The following NKAIN4 variants were observed in gnomAD, a reference collection of about 807,000 sequenced individuals.
NKAIN4 encodes sodium/potassium transporting ATPase interacting 4.
In NKAIN4, 28 loss-of-function variants were observed where a neutral mutation model predicts 28.8. The observed-to-expected ratio is 0.97, with a 90% CI of 0.72 to 1.33. The LOEUF is 1.33. Among genes scored for constraint, NKAIN4 ranks in the 40% most tolerant of loss-of-function variants. The pLI is 0.00. For synonymous variants in NKAIN4, 122 were observed against 115.6 expected, an observed-to-expected ratio of 1.06 and a Z score of -0.36; for missense variants, 289 against 277.2, an observed-to-expected ratio of 1.04 and a Z score of -0.30.
chr20:63,249,949 G>A lies in NKAIN4; in HGVS notation c.178C>T (p.Arg60Cys), dbSNP rs577285022. The A allele has an allele frequency of 8.8e-5, 142 of 1,613,302 alleles. No individual in the cohort carries two copies. The highest frequency in any genetic ancestry group is 1.1e-4 in the Non-Finnish European group (135 of 1,179,834). Reference sequence around the variant, plus strand: ...CCAGGACTCACCACCATGACATAGCGCAGCCGGTACTGGATGGTGCCGAAG... The same window carrying A: ...CCAGGACTCACCACCATGACATAGCACAGCCGGTACTGGATGGTGCCGAAG... ...GLFGTIQYRL[R>C]YVMVYTLWAA... is the part of the protein sequence containing the mutation. Residue 60 changes from arginine (R) to cysteine (C), a missense_variant, in exon 2 of 7, where the codon CGC becomes TGC. Transcript: ENST00000370316.
chr20:63,249,131 C>T (rs1341565443), intron 2 of NKAIN4: 4 of 528,060 alleles, frequency 7.6e-6, no homozygotes, highest in Non-Finnish European at 1.4e-5. Flanking sequence ...GGACAGCCAG[C>T]TCAAGGGAGC....
intron 3 of NKAIN4, 50 bp from the exon 4 acceptor site, chr20:63,247,825 G>T: frequency 7.1e-7 from 1 of 1,415,508 alleles, no homozygotes; most frequent in Non-Finnish European, 9.2e-7. Flanking sequence ...GAGGTGGGCG[G>T]CCTCACCCAC....
intron 3 of NKAIN4, chr20:63,248,579 G>A (rs904710815): frequency 2.5e-5 from 12 of 481,938 alleles, no homozygotes; most frequent in East Asian, 3.7e-5. Context: ...GAGCCCCCTC[G>A]CCTGCCAATA....
chr20:63,244,989 C>T (rs922898087), intron 4 of NKAIN4, among the ~76,000 whole-genome samples: 1 of 152,212 alleles, frequency 6.6e-6, no homozygotes, highest in Non-Finnish European at 1.5e-5. Flanking sequence ...TGGTTTCTTC[C>T]TCCATAGACT....
chr20:63,247,130 T>G, intron 4 of NKAIN4: 1 of 1,061,118 alleles, frequency 9.4e-7, no homozygotes, highest in Non-Finnish European at 1.1e-6. Context: ...GCTGAGGGGC[T>G]TCTTGCCAGC....
chr20:63,254,274 C>A, intron 1 of NKAIN4, 123 bp downstream of exon 1: 1 of 771,718 alleles, frequency 1.3e-6, no homozygotes, highest in Non-Finnish European at 1.8e-6. Flanking sequence ...AGGCATCCCC[C>A]CTCGGAGCTG....
At chr20:63,244,462 C>T (rs1389639449) in intron 4 of NKAIN4, 1 of 482,890 alleles carries the variant, frequency 2.1e-6, no homozygotes, top group South Asian at 1.5e-5. Flanking sequence ...TCCCCTCGGG[C>T]CTCTTGCCTT....
chr20:63,248,918 C>A (rs112504587), intron 2 of NKAIN4, 23 bp from the exon 3 acceptor site: 56 of 1,575,162 alleles, frequency 3.6e-5, no homozygotes, highest in Middle Eastern at 1.7e-4. Flanking sequence ...GAGGATGGGG[C>A]GGCAGCTGAA....
chr20:63,253,520 C>A, intron 1 of NKAIN4: 1 of 985,508 alleles, frequency 1.0e-6, no homozygotes, highest in Non-Finnish European at 1.2e-6. Context: ...GGCGCGCGGT[C>A]CAGCTGCGCT....
intron 4 of NKAIN4, chr20:63,246,925 G>A (rs2066869019): frequency 2.0e-6 from 2 of 985,868 alleles, no homozygotes; most frequent in Non-Finnish European, 1.2e-6. Flanking sequence ...TGGCCGTGTG[G>A]CCATACCAGG....
rs1385838565 is a variant in NKAIN4 at position 63,245,320 on chromosome 20, C to A, written c.472-1236G>T. Among the ~76,000 whole-genome samples, 1 of 152,314 alleles carries A rather than the reference C, an allele frequency of 6.6e-6. No individual in the cohort carries two copies. Among genetic ancestry groups the A allele is most frequent in the Admixed American group, 6.5e-5 (1 of 15,310 alleles). On this transcript the variant is annotated intron_variant, in intron 4 of 6. Transcript: ENST00000370316. This position sits in a 1 kb window ranked among gnomAD's most constrained non-coding sequence, Gnocchi z 4.7. Reference sequence around the variant, plus strand: ...CAGCGGTGAGGGTGGGCAACCTCCACGGCTCGTCCCCCTCCTCACCCCAAA... The same window carrying A: ...CAGCGGTGAGGGTGGGCAACCTCCAAGGCTCGTCCCCCTCCTCACCCCAAA...
At chr20:63,247,354 GC>G (rs1238035051) in intron 4 of NKAIN4, 1 of 1,503,480 alleles carries the variant, frequency 6.7e-7, no homozygotes, top group Non-Finnish European at 8.9e-7. Context: ...GCCTGGGTTG[GC>G]CCCGCCTGGG....
chr20:63,248,201 C>G (rs1467797620), intron 3 of NKAIN4: 1 of 178,784 alleles, frequency 5.6e-6, no homozygotes, highest in Non-Finnish European at 1.2e-5. Context: ...CCCACCTGTG[C>G]TACACTGGCC....
chr20:63,248,998 G>A, intron 2 of NKAIN4, 103 bp from the exon 3 acceptor site: 1 of 774,042 alleles, frequency 1.3e-6, no homozygotes, highest in Non-Finnish European at 2.2e-6. Context: ...CATAGGAGGG[G>A]CGGCCTCTGC....
chr20:63,242,785 A>AT (rs1601270859), intron 5 of NKAIN4, among the ~76,000 whole-genome samples, 162 bp from the exon 6 acceptor site: 17 of 60,384 alleles, frequency 2.8e-4, no homozygotes, highest in African/African-American at 1.3e-3. Flanking sequence ...GCCTGGGGGG[A>AT]CGGGGGGGGT....
chr20:63,248,743 CAG>C (rs1381948025), intron 3 of NKAIN4, 70 bp downstream of exon 3: 6 of 963,392 alleles, frequency 6.2e-6, no homozygotes, highest in South Asian at 1.3e-5. Flanking sequence ...AAAGCAAACA[CAG>C]GGGGTGTTAC....
chr20:63,250,126 G>A lies in NKAIN4; in HGVS notation c.55-54C>T, dbSNP rs912621818. 3.0e-5 allele frequency: 46 copies of A among 1,512,896 alleles called. No individual in the cohort carries two copies. In the East Asian group the frequency reaches 4.2e-4, roughly 14 times the overall value. The allele number at this position is 1,512,896 out of a possible 1,614,324, so 93.7% of individuals were successfully genotyped here. A position where few individuals can be genotyped will look rare whatever the true frequency, so the allele number is the denominator to read the frequency against. Reference sequence around the variant, plus strand: ...TGGACCCGAGGGAGGCCCCAGGCCCGCCAGCCAGGTACTGGGCCAAGGTGA... The same window carrying A: ...TGGACCCGAGGGAGGCCCCAGGCCCACCAGCCAGGTACTGGGCCAAGGTGA... On this transcript the variant is annotated intron_variant, in intron 1 of 6. Coordinates refer to ENST00000370316, the MANE Select transcript of NKAIN4 (RefSeq NM_152864.4).
intron 4 of NKAIN4, among the ~76,000 whole-genome samples, chr20:63,244,890 G>A (rs879879921): frequency 3.9e-5 from 6 of 152,214 alleles, no homozygotes; most frequent in Admixed American, 2.6e-4. Context: ...GAGGGACCCC[G>A]GAACGAGGCA....
In NKAIN4 at chr20:63,254,427, G is replaced by A; in HGVS notation, c.24C>T (p.Cys8=). The part of the protein sequence containing the change: MGSCSGR[C]ALVVLCAFQL... Reference sequence around the variant, plus strand: ...GAAAAGCGCAGAGGACGACGAGCGCGCAGCGGCCGGAGCAGGAGCCCATGG... The same window carrying A: ...GAAAAGCGCAGAGGACGACGAGCGCACAGCGGCCGGAGCAGGAGCCCATGG... Residue 8 remains cysteine, a synonymous_variant, in exon 1 of 7, where the codon TGC becomes TGT. Transcript: ENST00000370316. The A allele has an allele frequency of 1.4e-6, 2 of 1,438,172 alleles. No homozygotes were observed. Among genetic ancestry groups the A allele is most frequent in the South Asian group, 1.4e-5 (1 of 72,822 alleles). The allele number at this position is 1,438,172 out of a possible 1,614,324, so 89.1% of individuals were successfully genotyped here. A position where few individuals can be genotyped will look rare whatever the true frequency, so the allele number is the denominator to read the frequency against.
Sources: gnomAD v4.1 joint callset for allele counts (sites outside exome capture counted in the v4.1 genomes callset) on GRCh38, gnomAD v4.1.1 for gene constraint, Gnocchi (gnomAD v3.1) non-coding constraint, MANE v1.5 for transcripts, NCBI Gene and HGNC (gene_info 2026-07-23, HGNC 2026-07-21) for gene names.